The following NIPSNAP3B variants were observed in gnomAD, a reference collection of about 807,000 sequenced individuals.
NIPSNAP3B encodes the protein protein NipSnap homolog 3B.
NIPSNAP3B carries 30 observed loss-of-function variants against 31.5 expected under a neutral mutation model. The ratio of observed to expected loss-of-function variants is 0.95; its 90% confidence interval spans 0.71 to 1.29. NIPSNAP3B has a LOEUF of 1.29. Among genes scored for constraint, NIPSNAP3B ranks in the 50% most tolerant of loss-of-function variants. The pLI is 0.00. For synonymous variants in NIPSNAP3B, 106 were observed against 107.9 expected, an observed-to-expected ratio of 0.98 and a Z score of 0.11; for missense variants, 269 against 300.7, an observed-to-expected ratio of 0.89 and a Z score of 0.78.
chr9:104,774,250 A>C lies in NIPSNAP3B; in HGVS notation c.*1177A>C, dbSNP rs993523158. On this transcript the variant is annotated 3_prime_UTR_variant, in exon 6 of 6. Coordinates refer to ENST00000374762, the MANE Select transcript of NIPSNAP3B (RefSeq NM_018376.4). The stretch of plus-strand genomic sequence containing the variant: ...GCTGTCCAAGGGCAATTTGGAAAAC[A>C]AACTGTACAGTTTCCTCTCATTTAT... Among the ~76,000 whole-genome samples, 12 of 152,228 alleles carry C rather than the reference A, an allele frequency of 7.9e-5. No homozygotes were observed. Among genetic ancestry groups the C allele is most frequent in the African/African-American group, 2.9e-4 (12 of 41,458 alleles).
the NIPSNAP3B span, among the ~76,000 whole-genome samples, chr9:104,788,930 T>G: frequency 1.3e-5 from 2 of 152,234 alleles, no homozygotes; most frequent in Non-Finnish European, 2.9e-5. Context: ...TTCACTCATA[T>G]GCACCATTCA....
chr9:104,780,133 A>T (rs964823296), downstream of NIPSNAP3B, among the ~76,000 whole-genome samples: 1 of 152,316 alleles, frequency 6.6e-6, no homozygotes, highest in South Asian at 2.1e-4. Flanking sequence ...CTCCCTCGTC[A>T]TTGTTCACGA....
Position 104,766,552 on chromosome 9 carries a change from T to C in NIPSNAP3B, c.271+17T>C, listed in dbSNP as rs1828095382. 6.2e-7 allele frequency: 1 copy of C among 1,600,752 alleles called. No homozygotes were observed. Among genetic ancestry groups the C allele is most frequent in the Non-Finnish European group, 8.6e-7 (1 of 1,168,942 alleles). ...GGAAGTATGGTAAAGAGTCATCCAG[T>C]TTTAGTATTCAGTATAGATTTTCAT... On this transcript the variant is annotated intron_variant, in intron 2 of 5. Transcript: ENST00000374762.
In NIPSNAP3B at chr9:104,774,793, G is replaced by GAA. The variant is rs1453326537; in HGVS notation, c.*1722_*1723dup. Among the ~76,000 whole-genome samples, 1 of 152,134 alleles carries GAA rather than the reference G, an allele frequency of 6.6e-6. No individual in the cohort carries two copies. Among genetic ancestry groups the GAA allele is most frequent in the African/African-American group, 2.4e-5 (1 of 41,420 alleles). ...CTTCCAGGGGGTCTAATTTGAAGAGGAAAGTAATTTAAATGTATAGGTTTA... is the reference window on the plus strand; with the variant it reads ...CTTCCAGGGGGTCTAATTTGAAGAGGAAAAAGTAATTTAAATGTATAGGTTTA... On this transcript the variant is annotated 3_prime_UTR_variant, in exon 6 of 6. Coordinates refer to ENST00000374762, the MANE Select transcript of NIPSNAP3B (RefSeq NM_018376.4).
Position 104,776,046 on chromosome 9 carries a change from C to G in NIPSNAP3B, c.*2973C>G, listed in dbSNP as rs1031718308. On this transcript the variant is annotated 3_prime_UTR_variant, in exon 6 of 6. Transcript: ENST00000374762. ...CTAAAATATAAACCAGATCATATCA[C>G]TCCTCTGCTCAACACCCCCTCCCAA... is the stretch of plus-strand genomic sequence containing the variant. Among the ~76,000 whole-genome samples the G allele has an allele frequency of 6.6e-6, 1 of 152,166 alleles. No homozygotes were observed. Among genetic ancestry groups the G allele is most frequent in the Non-Finnish European group, 1.5e-5 (1 of 68,034 alleles).
the NIPSNAP3B span, among the ~76,000 whole-genome samples, chr9:104,784,743 G>A: frequency 0.81 from 122,598 of 152,132 alleles, 50,019 homozygotes; most frequent in African/African-American, 0.9. Flanking sequence ...TCCTGGGTTC[G>A]AGCAATTCTC....
In NIPSNAP3B at chr9:104,772,856, T is replaced by TCGTGCAGCTGGG. The variant is rs1238748403; in HGVS notation, c.616_627dup (p.Ala207_Arg210dup). 6.2e-7 allele frequency: 1 copy of TCGTGCAGCTGGG among 1,613,446 alleles called. No individual in the cohort carries two copies. The highest frequency in any genetic ancestry group is 1.7e-5 in the Admixed American group (1 of 59,888). On this transcript the variant is annotated inframe_insertion, in exon 5 of 6. Coordinates refer to ENST00000374762, the MANE Select transcript of NIPSNAP3B (RefSeq NM_018376.4). ...TTTGGTGGAATGAGAGTGCAGATAG[T>TCGTGCAGCTGGG]CGTGCAGCTGGGAGACATAAGTCCC...
the NIPSNAP3B span, among the ~76,000 whole-genome samples, chr9:104,787,649 TC>T: frequency 6.6e-6 from 1 of 152,172 alleles, no homozygotes; most frequent in South Asian, 2.1e-4. Context: ...GAAAGAATGT[TC>T]CAGAGAAAGA....
intron 2 of NIPSNAP3B, 137 bp downstream of exon 2, chr9:104,766,672 AT>A (rs549038011): frequency 1.2e-6 from 1 of 813,546 alleles, no homozygotes; most frequent in Non-Finnish European, 1.9e-6. Flanking sequence ...TACCAAAAAA[AT>A]AAATTTAGCA....
At chr9:104,778,538 A>G (rs1828383935), downstream of NIPSNAP3B, among the ~76,000 whole-genome samples, 1 of 152,068 alleles carries the variant, frequency 6.6e-6, no homozygotes, top group Non-Finnish European at 1.5e-5. Flanking sequence ...ACTTGCACAC[A>G]TTTATCTTAT....
Position 104,766,342 on chromosome 9 carries a change from T to C in NIPSNAP3B, c.78T>C (p.Ala26=), listed in dbSNP as rs200574459. 29 of 1,613,468 alleles carry C rather than the reference T, an allele frequency of 1.8e-5. No homozygotes were observed. Among genetic ancestry groups the C allele is most frequent in the Non-Finnish European group, 2.5e-5 (29 of 1,179,580 alleles). The change falls in exon 2 of 6, where the codon GCT becomes GCC. Residue 26 remains alanine (A), a synonymous_variant. Transcript: ENST00000374762. ...TLAPQVCSSF[A]TGPRQYDGTF... is the part of the protein sequence containing the mutation. ...TCCTTCAGGTGTGTTCATCTTTTGC[T>C]ACGGGCCCTAGACAATACGATGGAA...
chr9:104,788,533 T>G, the NIPSNAP3B span: 4 of 1,614,082 alleles, frequency 2.5e-6, no homozygotes, highest in Non-Finnish European at 2.5e-6. Flanking sequence ...CAGTAGCCCA[T>G]GTTCTGATGT....
At chr9:104,772,967 T>C in intron 5 of NIPSNAP3B, 30 bp from the exon 6 acceptor site, 1 of 1,614,014 alleles carries the variant, frequency 6.2e-7, no homozygotes, top group Non-Finnish European at 8.5e-7. Context: ...AACCAATAAC[T>C]GTATGCCTTC....
At chr9:104,784,658 C>A in the NIPSNAP3B span, among the ~76,000 whole-genome samples, 59 of 152,078 alleles carry the variant, frequency 3.9e-4, no homozygotes, top group Non-Finnish European at 7.8e-4. Flanking sequence ...TTTTTTTCCC[C>A]CCTTGAAATG....
At chr9:104,788,300 C>T in the NIPSNAP3B span, 27 of 1,142,228 alleles carry the variant, frequency 2.4e-5, no homozygotes, top group Non-Finnish European at 3.2e-5. Context: ...ATACAAAGAA[C>T]CAGCATTTTG....
chr9:104,785,826 G>A, the NIPSNAP3B span, among the ~76,000 whole-genome samples: 1 of 152,202 alleles, frequency 6.6e-6, no homozygotes, highest in African/African-American at 2.4e-5. Context: ...ACCATGCCAT[G>A]TGCTGTAAAT....
At chr9:104,784,964 GC>G in the NIPSNAP3B span, among the ~76,000 whole-genome samples, 7 of 151,966 alleles carry the variant, frequency 4.6e-5, no homozygotes, top group South Asian at 1.5e-3. Flanking sequence ...TTTCTATATC[GC>G]CCCCCACCCC....
rs571564834 is a variant in NIPSNAP3B, at chr9:104,775,219, C to G, written c.*2146C>G. On this transcript the variant is annotated 3_prime_UTR_variant, in exon 6 of 6. Coordinates refer to ENST00000374762, the MANE Select transcript of NIPSNAP3B (RefSeq NM_018376.4). ...TAAAAAAAAAAAAGAGTAAAATCAC[C>G]CCATTTTTTTCCTTTACAATATGAC... Among the ~76,000 whole-genome samples, 2 of 151,846 alleles carry G rather than the reference C, an allele frequency of 1.3e-5. No individual in the cohort carries two copies. The highest frequency in any genetic ancestry group is 2.9e-5 in the Non-Finnish European group (2 of 67,962).
chr9:104,785,705 C>G, the NIPSNAP3B span: 6 of 1,601,604 alleles, frequency 3.7e-6, no homozygotes, highest in Non-Finnish European at 1.7e-6. Flanking sequence ...ATACTGAACC[C>G]TGGGAACCCA....
Sources: allele counts gnomAD v4.1 joint callset (sites outside exome capture counted in the v4.1 genomes callset), GRCh38; gene constraint gnomAD v4.1.1; transcripts MANE v1.5; gene names NCBI Gene and HGNC (gene_info 2026-07-23, HGNC 2026-07-21).